The following HEATR5B variants were observed in gnomAD, a reference collection of about 807,000 sequenced individuals.
HEATR5B encodes HEAT repeat containing 5B, also known as HEAT repeat-containing protein 5B.
Under a neutral mutation model 224.1 loss-of-function variants are expected in HEATR5B, and 156 were observed. That is an observed-to-expected ratio of 0.70 (90% CI 0.61 to 0.80). HEATR5B has a LOEUF of 0.80. HEATR5B is among the 30% of genes least tolerant of loss of function. The pLI is 0.00. For synonymous variants in HEATR5B, 1,027 were observed against 893.0 expected (o/e 1.15, Z -2.68); for missense variants, 2,323 against 2,535.5 (o/e 0.92, Z 1.80).
intron 33 of HEATR5B, among the ~76,000 whole-genome samples, chr2:36,997,568 T>TTG (rs1491135657): frequency 6.3e-3 from 2 of 320 alleles, no homozygotes; most frequent in African/African-American, 0.036. Context: ...TCTGCCATTC[T>TTG]TTTTTTTTTT....
chr2:37,054,862 G>A (rs1670804458), intron 16 of HEATR5B, among the ~76,000 whole-genome samples: 1 of 152,080 alleles, frequency 6.6e-6, no homozygotes, highest in African/African-American at 2.4e-5. Context: ...GGAATCCAAG[G>A]AAGTTGGATT....
intron 29 of HEATR5B, 102 bp from the exon 30 acceptor site, chr2:37,005,861 A>C (rs961717779): frequency 1.1e-6 from 1 of 890,376 alleles, no homozygotes; most frequent in African/African-American, 1.7e-5. Context: ...GATTACCTTA[A>C]CATGTATTTA....
intron 6 of HEATR5B, 110 bp downstream of exon 6, chr2:37,072,000 T>G (rs911349505): frequency 2.2e-6 from 2 of 892,042 alleles, no homozygotes; most frequent in Non-Finnish European, 3.3e-6. Context: ...TTTCATTTTA[T>G]GGAAAAGTAG....
chr2:37,050,608 G>A (rs1249607247), intron 17 of HEATR5B, among the ~76,000 whole-genome samples: 1 of 152,076 alleles, frequency 6.6e-6, no homozygotes, highest in East Asian at 1.9e-4. Flanking sequence ...AATAATTTCA[G>A]AATCAATGGC....
At chr2:37,038,909 G>T (rs550657007) in intron 20 of HEATR5B, among the ~76,000 whole-genome samples, 1 of 129,734 alleles carries the variant, frequency 7.7e-6, no homozygotes, top group Non-Finnish European at 1.7e-5. Context: ...CCCTGGGGTG[G>T]GGGGGGTGGG....
At chr2:36,999,181 T>C (rs1434386134) in intron 33 of HEATR5B, among the ~76,000 whole-genome samples, 1 of 151,980 alleles carries the variant, frequency 6.6e-6, no homozygotes, top group Non-Finnish European at 1.5e-5. Flanking sequence ...ATTGCGCCAC[T>C]GCACTCCAGC....
chr2:37,011,506 T>C (rs1419170092), intron 27 of HEATR5B, among the ~76,000 whole-genome samples: 2 of 152,194 alleles, frequency 1.3e-5, no homozygotes, highest in Non-Finnish European at 2.9e-5. Context: ...AAAATAAGAG[T>C]TAAAAATGAC....
At chr2:37,057,193 G>C in intron 15 of HEATR5B, 124 bp downstream of exon 15, 1 of 614,398 alleles carries the variant, frequency 1.6e-6, no homozygotes, top group East Asian at 3.3e-5. Context: ...CCATCTTTAA[G>C]TGTCTAAGAA....
chr2:36,996,601 A>ATT (rs1245107460), intron 33 of HEATR5B, among the ~76,000 whole-genome samples: 2 of 151,022 alleles, frequency 1.3e-5, no homozygotes, highest in African/African-American at 4.9e-5. Context: ...ATATATATAT[A>ATT]TTTTTTTGAG....
chr2:37,032,888 T>TC, intron 21 of HEATR5B, 115 bp from the exon 22 acceptor site: 1 of 953,918 alleles, frequency 1.0e-6, no homozygotes, highest in Non-Finnish European at 1.5e-6. Context: ...TGTTTTGTTT[T>TC]TTTTTTTTTG....
Position 37,054,634 on chromosome 2 carries a change from G to A in HEATR5B, c.2400-1027C>T, listed in dbSNP as rs533586891. Among the ~76,000 whole-genome samples the A allele has an allele frequency of 5.1e-4, 77 of 151,000 alleles. 2 individuals carry two copies. The South Asian group carries it at 0.014, about 28-fold the overall frequency. On this transcript the variant is annotated intron_variant, in intron 16 of 35. Coordinates refer to ENST00000233099, the MANE Select transcript of HEATR5B (RefSeq NM_019024.3). ...CGAGTAGCTGGGACTACAGGTGTTC[G>A]CCACTACACCCAGCTAATTTTGTAT...
intron 26 of HEATR5B, among the ~76,000 whole-genome samples, chr2:37,018,091 G>C (rs1025852642): frequency 4.6e-5 from 7 of 151,670 alleles, no homozygotes; most frequent in Admixed American, 1.3e-4. Flanking sequence ...AAAGGAACTT[G>C]TAACCTACTG....
At chr2:37,068,616 T>G in intron 8 of HEATR5B, 65 bp downstream of exon 8, 2 of 1,521,658 alleles carry the variant, frequency 1.3e-6, no homozygotes, top group Non-Finnish European at 1.8e-6. Flanking sequence ...GGATATTTAT[T>G]AAGAATCATA....
In HEATR5B at chr2:37,079,338, C is replaced by CA. The variant is rs754439408; in HGVS notation, c.127-8dup. ...GTTTTTCCTTTACATCGGTCTGTTA[C>CA]AAAAAAAATTTTTAAAAGAACATCA... is the stretch of plus-strand genomic sequence containing the variant. On this transcript the variant is annotated splice_polypyrimidine_tract_variant and splice_region_variant and intron_variant, in intron 2 of 35. Coordinates refer to ENST00000233099, the MANE Select transcript of HEATR5B (RefSeq NM_019024.3). The CA allele has an allele frequency of 1.1e-5, 17 of 1,542,168 alleles. No individual in the cohort carries two copies. Among genetic ancestry groups the CA allele is most frequent in the African/African-American group, 4.2e-5 (3 of 71,610 alleles).
intron 18 of HEATR5B, among the ~76,000 whole-genome samples, chr2:37,047,534 G>T (rs1236393580): frequency 6.6e-6 from 1 of 152,100 alleles, no homozygotes; most frequent in Non-Finnish European, 1.5e-5. Flanking sequence ...TTTCTCAGAG[G>T]TCTCAAAGTG....
chr2:37,010,581 A>G (rs190897490), intron 27 of HEATR5B, among the ~76,000 whole-genome samples: 284 of 151,462 alleles, frequency 1.9e-3, no homozygotes, highest in African/African-American at 6.5e-3. Context: ...TGGTGCGATC[A>G]CAGCTCACTG....
chr2:37,008,930 T>G, intron 27 of HEATR5B, 82 bp from the exon 28 acceptor site: 1 of 932,960 alleles, frequency 1.1e-6, no homozygotes, highest in Non-Finnish European at 1.6e-6. Context: ...AAAATACAGT[T>G]AAATCATCAA....
rs1256562136 is a variant in HEATR5B, at chr2:37,021,899, A to T, written c.3854-1063T>A. Among the ~76,000 whole-genome samples the T allele has an allele frequency of 3.3e-5, 5 of 151,928 alleles. No homozygotes were observed. In the East Asian group the frequency reaches 9.7e-4, roughly 29 times the overall value. ...GAGACCCTGTTTCAAAAAAAAAAAAAAAAAAATTTACTGAGGCTAATCAGA... is the reference window on the plus strand; with the variant it reads ...GAGACCCTGTTTCAAAAAAAAAAAATAAAAAATTTACTGAGGCTAATCAGA... On this transcript the variant is annotated intron_variant, in intron 24 of 35. Coordinates refer to ENST00000233099, the MANE Select transcript of HEATR5B (RefSeq NM_019024.3).
At chr2:37,039,743 G>A (rs1399044039) in intron 20 of HEATR5B, among the ~76,000 whole-genome samples, 1 of 152,142 alleles carries the variant, frequency 6.6e-6, no homozygotes, top group Non-Finnish European at 1.5e-5. Flanking sequence ...TTGCTGACTT[G>A]GGAGTCTAAC....
Sources: gnomAD v4.1 joint callset for allele counts (sites outside exome capture counted in the v4.1 genomes callset) on GRCh38, gnomAD v4.1.1 for gene constraint, MANE v1.5 for transcripts, NCBI Gene and HGNC (gene_info 2026-07-23, HGNC 2026-07-21) for gene names.